The following RBPJ variants were observed in gnomAD, a reference collection of about 807,000 sequenced individuals.
RBPJ encodes recombination signal binding protein for immunoglobulin kappa J region, also known as recombining binding protein suppressor of hairless.
In RBPJ, 9 loss-of-function variants were observed where a neutral mutation model predicts 67.8. That is an observed-to-expected ratio of 0.13 (90% CI 0.08 to 0.23). The LOEUF (loss-of-function observed/expected upper bound fraction) is 0.23. RBPJ is among the 10% of genes least tolerant of loss of function. The pLI is 1.00. For synonymous variants in RBPJ, 198 were observed against 203.3 expected (o/e 0.97, Z 0.22); for missense variants, 305 against 595.6 (o/e 0.51, Z 5.08).
chr4:26,277,700 CAAGTGTTAGT>C (rs1382229372), intron 1 of RBPJ, among the ~76,000 whole-genome samples: 1 of 152,184 alleles, frequency 6.6e-6, no homozygotes, highest in African/African-American at 2.4e-5. Context: ...GAACAGATGG[CAAGTGTTAGT>C]CAGAGGGAGA....
chr4:26,237,848 T>G (rs1211266033), intron 1 of RBPJ, among the ~76,000 whole-genome samples: 2 of 151,848 alleles, frequency 1.3e-5, no homozygotes, highest in African/African-American at 2.4e-5. Flanking sequence ...CAATCCTAGC[T>G]CTATCATGAA....
At chr4:26,348,408 A>G (rs144031124) in intron 1 of RBPJ, among the ~76,000 whole-genome samples, 1 of 152,300 alleles carries the variant, frequency 6.6e-6, no homozygotes, top group African/African-American at 2.4e-5. Context: ...GAAGCCAAAG[A>G]TATTACTTGT....
chr4:26,219,240 A>G (rs1577485801), intron 1 of RBPJ, among the ~76,000 whole-genome samples: 1 of 152,198 alleles, frequency 6.6e-6, no homozygotes, highest in Admixed American at 6.5e-5. Flanking sequence ...CCACCAGCCT[A>G]CCAGCCACGA....
At chr4:26,324,295 T>C (rs1178749165) in intron 1 of RBPJ, among the ~76,000 whole-genome samples, 5 of 152,170 alleles carry the variant, frequency 3.3e-5, no homozygotes, top group Non-Finnish European at 5.9e-5. Flanking sequence ...ATCCCAAATA[T>C]GTATTATAAT....
At chr4:26,286,928 G>A (rs7679241) in intron 1 of RBPJ, among the ~76,000 whole-genome samples, 76,682 of 151,552 alleles carry the variant, frequency 0.51, 19,592 homozygotes, top group African/African-American at 0.57. Flanking sequence ...CTGGGATCAC[G>A]GGGATGCACC....
At chr4:26,429,378 C>G (rs1735991916) in intron 8 of RBPJ, among the ~76,000 whole-genome samples, 1 of 152,150 alleles carries the variant, frequency 6.6e-6, no homozygotes, top group African/African-American at 2.4e-5. Context: ...ATGTGAAACT[C>G]CTTTGCAGAG....
upstream of RBPJ, chr4:26,320,875 C>G (rs2109320699): frequency 6.3e-7 from 1 of 1,579,136 alleles, no homozygotes; most frequent in South Asian, 1.2e-5. Context: ...CGCGAGGCGT[C>G]TGGCTCTTCG....
At chr4:26,274,562 T>C (rs1721016509) in intron 1 of RBPJ, among the ~76,000 whole-genome samples, 1 of 152,180 alleles carries the variant, frequency 6.6e-6, no homozygotes, top group Non-Finnish European at 1.5e-5. Context: ...CCCAGAAGTT[T>C]GAGGTGGCAG....
At chr4:26,289,287 C>T (rs1162746905) in intron 1 of RBPJ, among the ~76,000 whole-genome samples, 1 of 145,236 alleles carries the variant, frequency 6.9e-6, no homozygotes, top group Non-Finnish European at 1.5e-5. Context: ...ATCCCAGCTA[C>T]TTGGGAGGCT....
chr4:26,235,483 CT>C (rs1427976922), intron 1 of RBPJ, among the ~76,000 whole-genome samples: 1 of 152,162 alleles, frequency 6.6e-6, no homozygotes, highest in East Asian at 1.9e-4. Context: ...AGAATTACAA[CT>C]TTTTTTTCTT....
At chr4:26,412,110 G>A (rs771547729) in intron 3 of RBPJ, among the ~76,000 whole-genome samples, 7 of 102,630 alleles carry the variant, frequency 6.8e-5, no homozygotes, top group Admixed American at 3.4e-4. Context: ...GCAAGACTCC[G>A]TCTCAAAAAA....
chr4:26,339,645 G>A (rs1030065884), intron 1 of RBPJ, among the ~76,000 whole-genome samples: 2 of 151,362 alleles, frequency 1.3e-5, no homozygotes, highest in African/African-American at 2.4e-5. Flanking sequence ...AAAAACAAAC[G>A]AACAAAAAAA....
the RBPJ span, among the ~76,000 whole-genome samples, chr4:26,150,583 G>A: frequency 6.6e-6 from 1 of 152,142 alleles, no homozygotes; most frequent in Admixed American, 6.5e-5. Flanking sequence ...CAACCTCTCT[G>A]TGACTCAGTT....
intron 1 of RBPJ, among the ~76,000 whole-genome samples, chr4:26,212,131 C>G (rs1477013913): frequency 1.3e-5 from 2 of 152,136 alleles, no homozygotes; most frequent in Non-Finnish European, 2.9e-5. Flanking sequence ...ACAACCCTAG[C>G]AAACTAATAC....
chr4:26,330,768 CAG>C (rs1179392899), intron 1 of RBPJ, among the ~76,000 whole-genome samples: 1 of 152,136 alleles, frequency 6.6e-6, no homozygotes, highest in South Asian at 2.1e-4. Context: ...ATTTGTTTCT[CAG>C]AGGATTTGAT....
At chr4:26,202,451 C>G (rs1028047347) in intron 1 of RBPJ, among the ~76,000 whole-genome samples, 1 of 151,966 alleles carries the variant, frequency 6.6e-6, no homozygotes, top group Middle Eastern at 3.2e-3. Flanking sequence ...TCCTTCCCCC[C>G]AGCCCAGCTT....
intron 1 of RBPJ, among the ~76,000 whole-genome samples, chr4:26,337,384 C>T (rs1302474243): frequency 6.6e-6 from 1 of 152,094 alleles, no homozygotes; most frequent in East Asian, 1.9e-4. Context: ...TCCTCCTTTC[C>T]TCTACATAAA....
the RBPJ span, among the ~76,000 whole-genome samples, chr4:26,141,864 T>C: frequency 6.6e-6 from 1 of 152,200 alleles, no homozygotes; most frequent in African/African-American, 2.4e-5. Context: ...CAGAATCTCT[T>C]CTTGCCTTCA....
intron 1 of RBPJ, among the ~76,000 whole-genome samples, chr4:26,171,449 T>G (rs1716580077): frequency 6.6e-6 from 1 of 152,098 alleles, no homozygotes; most frequent in Non-Finnish European, 1.5e-5. Flanking sequence ...GTTCCTATAG[T>G]CCCAGCTACT....
Sources: gnomAD v4.1 joint callset for allele counts (sites outside exome capture counted in the v4.1 genomes callset) on GRCh38, gnomAD v4.1.1 for gene constraint, MANE v1.5 for transcripts, NCBI Gene and HGNC (gene_info 2026-07-23, HGNC 2026-07-21) for gene names.